Variants in HERC5 observed in about 807,000 individuals in gnomAD.
HERC5 encodes E3 ISG15--protein ligase HERC5.
Under a neutral mutation model 119.6 loss-of-function variants are expected in HERC5, and 99 were observed. The ratio of observed to expected loss-of-function variants is 0.83; its 90% CI spans 0.70 to 0.98. The LOEUF (loss-of-function observed/expected upper bound fraction) is 0.98, where lower values mean the gene tolerates loss of function less well. HERC5 is among the 50% of genes least tolerant of loss of function. The pLI is 0.00. For missense variants in HERC5, 1,267 were observed against 1,241.3 expected (o/e 1.02, Z -0.31); for synonymous variants, 478 against 445.9 (o/e 1.07, Z -0.91).
rs188524317 is a variant in HERC5, at chr4:88,492,832, G to A, written c.2134-180G>A. ...AAGTTATTTAAATTCTCAAGGCCTC[G>A]TTATCTCATAGAATTAATGTAGAGA... On this transcript the variant is annotated intron_variant, in intron 16 of 22. Transcript: ENST00000264350. 2.3e-3 allele frequency among the ~76,000 whole-genome samples: 354 copies of A among 152,220 alleles called. 1 individual carries two copies. Among genetic ancestry groups the A allele is most frequent in the South Asian group, 0.014 (67 of 4,828 alleles).
chr4:88,469,585 C>T (rs568993721), intron 9 of HERC5, among the ~76,000 whole-genome samples: 2 of 152,302 alleles, frequency 1.3e-5, no homozygotes, highest in East Asian at 3.9e-4. Flanking sequence ...TGAAGGCAAT[C>T]TAAAAGCAGA....
Position 88,469,234 on chromosome 4 carries a change from G to A in HERC5, c.1212G>A (p.Glu404=), listed in dbSNP as rs1472749536. The A allele has an allele frequency of 6.2e-7, 1 of 1,613,166 alleles. No individual in the cohort carries two copies. The highest frequency in any genetic ancestry group is 2.2e-5 in the East Asian group (1 of 44,870). ...GTVKRWIADV[E]TKRWQSTKRE... Reference sequence around the variant, plus strand: ...TAAAGAGATGGATTGCTGATGTGGAGACTAAACGGTGGCAGAGCACAAAAA... The same window carrying A: ...TAAAGAGATGGATTGCTGATGTGGAAACTAAACGGTGGCAGAGCACAAAAA... Residue 404 remains glutamate, a synonymous_variant, in exon 9 of 23, where the codon GAG becomes GAA. Coordinates refer to ENST00000264350, the MANE Select transcript of HERC5 (RefSeq NM_016323.4).
At chr4:88,462,387 C>G in intron 4 of HERC5, 31 bp downstream of exon 4, 1 of 1,554,552 alleles carries the variant, frequency 6.4e-7, no homozygotes, top group South Asian at 1.1e-5. Flanking sequence ...TTCCTATTAC[C>G]AACAGATATA....
chr4:88,491,900 G>T (rs918391372), intron 16 of HERC5, among the ~76,000 whole-genome samples: 1 of 152,108 alleles, frequency 6.6e-6, no homozygotes, highest in African/African-American at 2.4e-5. Flanking sequence ...CTCTTGGGAG[G>T]GATTGGTGTC....
At position 88,480,443 on chromosome 4, in the gene HERC5, TG is replaced by T. The variant is rs1306232857; in HGVS notation, c.1737+937del. Among the ~76,000 whole-genome samples the T allele has an allele frequency of 4.2e-5, 6 of 143,064 alleles. No homozygotes were observed. In the South Asian group the frequency reaches 9.5e-4, roughly 23 times the overall value. 93.9% of individuals were successfully genotyped at this position (143,064 alleles called of 152,430 possible). On this transcript the variant is annotated intron_variant, in intron 13 of 22. Coordinates refer to ENST00000264350, the MANE Select transcript of HERC5 (RefSeq NM_016323.4). ...ATATGCTGTTTGCAATTCTTGTGTG[TG>T]TTTTTTTTTTTTGTCTTGTTGGGAG...
intron 6 of HERC5, among the ~76,000 whole-genome samples, chr4:88,464,442 T>A (rs1740574556): frequency 6.6e-6 from 1 of 152,154 alleles, no homozygotes; most frequent in Non-Finnish European, 1.5e-5. Context: ...TAAGACATAG[T>A]CAGTGATGGT....
rs770145855 is a variant in HERC5 at position 88,504,521 on chromosome 4, C to T, written c.2793C>T (p.Asn931=). ...EKNARYEPGY[N]SSHPTIVMFW... is the part of the protein sequence containing the mutation. ...ATGCACGTTATGAACCAGGATATAA[C>T]AGTTCACATCCCACCATAGTGATGT... Residue 931 remains asparagine (N), a synonymous_variant, in exon 22 of 23, where the codon AAC becomes AAT. Coordinates refer to ENST00000264350, the MANE Select transcript of HERC5 (RefSeq NM_016323.4). The T allele has an allele frequency of 6.3e-7, 1 of 1,580,754 alleles. No individual in the cohort carries two copies. Among genetic ancestry groups the T allele is most frequent in the Non-Finnish European group, 8.6e-7 (1 of 1,166,036 alleles).
At chr4:88,479,598 T>C in intron 13 of HERC5, 91 bp downstream of exon 13, 2 of 1,048,180 alleles carry the variant, frequency 1.9e-6, no homozygotes, top group Non-Finnish European at 2.7e-6. Flanking sequence ...TAGACTCGTG[T>C]GAGACATACG....
chr4:88,465,587 T>G (rs180683251), intron 6 of HERC5, among the ~76,000 whole-genome samples: 16 of 152,324 alleles, frequency 1.1e-4, no homozygotes, highest in South Asian at 2.1e-4. Context: ...ACCAAAGCAG[T>G]CTTATCACCT....
intron 3 of HERC5, among the ~76,000 whole-genome samples, chr4:88,461,050 A>T (rs1740423252): frequency 6.6e-6 from 1 of 152,264 alleles, no homozygotes; most frequent in Non-Finnish European, 1.5e-5. Context: ...AATAGAGGGG[A>T]ATTCGAAGTC....
rs558815243 is a variant in HERC5 at position 88,497,615 on chromosome 4, C to T, written c.2445-2311C>T. 1.6e-4 allele frequency among the ~76,000 whole-genome samples: 24 copies of T among 152,168 alleles called. No homozygotes were observed. In the South Asian group the frequency reaches 4.8e-3, roughly 30 times the overall value. ...TTTCTTGACTGCTTATACCAAAATG[C>T]AAGCAGGGAGAATTATTTAAAGTGG... On this transcript the variant is annotated intron_variant, in intron 18 of 22. Transcript: ENST00000264350.
Position 88,506,143 on chromosome 4 carries a change from A to G in HERC5, c.*265A>G, listed in dbSNP as rs999402879. 5 of 377,294 alleles carry G rather than the reference A, an allele frequency of 1.3e-5. No individual in the cohort carries two copies. The Admixed American group carries it at 2.1e-4, about 16-fold the overall frequency. 23.4% of individuals were successfully genotyped at this position (377,294 alleles called of 1,614,324 possible). ...CTCTTTTGGGAAATATTTTTCAAAA[A>G]TAAAATAACCGAAAAATTAACATAA... On this transcript the variant is annotated 3_prime_UTR_variant, in exon 23 of 23. Coordinates refer to ENST00000264350, the MANE Select transcript of HERC5 (RefSeq NM_016323.4).
intron 12 of HERC5, among the ~76,000 whole-genome samples, chr4:88,477,766 C>T (rs1284859517): frequency 6.6e-6 from 1 of 152,170 alleles, no homozygotes; most frequent in African/African-American, 2.4e-5. Context: ...GGATTTTTGA[C>T]ATACATAGCA....
intron 3 of HERC5, among the ~76,000 whole-genome samples, chr4:88,460,804 C>T (rs544000902): frequency 6.6e-6 from 1 of 152,194 alleles, no homozygotes; most frequent in African/African-American, 2.4e-5. Context: ...GCCTGGACAA[C>T]ATGGGGAGAC....
In HERC5 at chr4:88,463,877, G is replaced by A. The variant is rs1578039744; in HGVS notation, c.803G>A (p.Gly268Asp). ...TAGGATGGGCTGCTGTTTACTTTCG[G>A]TGCTGGAAAACATGGGCAACTTGGT... ...LTQDGLLFTF[G>D]AGKHGQLGHN... The change falls in exon 6 of 23, where the codon GGT (glycine) becomes GAT (aspartate). Residue 268 changes from glycine to aspartate, a missense_variant. Physicochemically the swap from Gly to Asp is moderately conservative, Grantham distance 94. Around this residue, in one of 3 missense-constraint regions of HERC5, gnomAD observed 777 missense variants for 758.0 expected, o/e 1.03. Transcript: ENST00000264350. 6.2e-7 allele frequency: 1 copy of A among 1,613,548 alleles called. No individual in the cohort carries two copies. The highest frequency in any genetic ancestry group is 8.5e-7 in the Non-Finnish European group (1 of 1,179,916).
chr4:88,460,080 A>AT lies in HERC5; in HGVS notation c.390-11dup, dbSNP rs1740368711. 3 of 1,378,806 alleles carry AT rather than the reference A, an allele frequency of 2.2e-6. No individual in the cohort carries two copies. The highest frequency in any genetic ancestry group is 3.1e-6 in the Non-Finnish European group (3 of 969,636). 85.4% of individuals were successfully genotyped at this position (1,378,806 alleles called of 1,614,324 possible). A position where few individuals can be genotyped will look rare whatever the true frequency, so the allele number is the denominator to read the frequency against. ...CATTATGGTGATTAACACAAAGTGT[A>AT]TTTTCCTTCATCAGGTTTGAAAGCA... On this transcript the variant is annotated splice_polypyrimidine_tract_variant and intron_variant, in intron 2 of 22. Coordinates refer to ENST00000264350, the MANE Select transcript of HERC5 (RefSeq NM_016323.4).
chr4:88,459,585 T>C lies in HERC5; in HGVS notation c.389+115T>C, dbSNP rs548316697. 4 of 664,322 alleles carry C rather than the reference T, an allele frequency of 6.0e-6. No homozygotes were observed. In the East Asian group the frequency reaches 1.2e-4, roughly 20 times the overall value. The allele number at this position is 664,322 out of a possible 1,614,324, so 41.2% of individuals were successfully genotyped here. A position where few individuals can be genotyped will look rare whatever the true frequency, so the allele number is the denominator to read the frequency against. ...TTTATATAGTAGCATCTTAAGTAAA[T>C]AATAAATTCTGAACTGACCAGTAAA... On this transcript the variant is annotated intron_variant, in intron 2 of 22. Transcript: ENST00000264350.
chr4:88,471,683 TC>T (rs1286285839), intron 10 of HERC5, among the ~76,000 whole-genome samples: 1 of 152,160 alleles, frequency 6.6e-6, no homozygotes, highest in African/African-American at 2.4e-5. Flanking sequence ...TAGAAGGTCT[TC>T]CATGAGAAGA....
rs769183808 is a variant in HERC5 at position 88,493,159 on chromosome 4, A to G, written c.2277+4A>G. On this transcript the variant is annotated splice_donor_region_variant and intron_variant, in intron 17 of 22. Coordinates refer to ENST00000264350, the MANE Select transcript of HERC5 (RefSeq NM_016323.4). ...CTGCATGTGGTTTCCTGTCAAGGTA[A>G]GTTCCCTCTTCTTTGCTTAAGGTAT... The G allele has an allele frequency of 3.8e-5, 61 of 1,613,378 alleles. No homozygotes were observed. The highest frequency in any genetic ancestry group is 4.7e-5 in the Non-Finnish European group (55 of 1,179,720).
Sources: gnomAD v4.1 joint callset for allele counts (sites outside exome capture counted in the v4.1 genomes callset) on GRCh38, gnomAD v4.1.1 for gene constraint, gnomAD v4.1.1 regional missense constraint, MANE v1.5 for transcripts, NCBI Gene and HGNC (gene_info 2026-07-23, HGNC 2026-07-21) for gene names.